CREBL2: variants seen among roughly 807,000 people sequenced by gnomAD.
CREBL2 encodes the protein cAMP-responsive element-binding protein-like 2.
A neutral mutation model predicts 19.5 loss-of-function variants in CREBL2; 4 were observed. That is an observed-to-expected ratio of 0.20 (90% CI 0.10 to 0.47). The LOEUF is 0.47. Among genes scored for constraint, CREBL2 ranks in the 20% least tolerant of loss-of-function variants. The pLI, the probability that CREBL2 is intolerant of heterozygous loss-of-function variation, is 0.98. For missense variants in CREBL2, 85 were observed against 145.1 expected (o/e 0.59, Z 2.13); for synonymous variants, 42 against 46.6 (o/e 0.90, Z 0.40).
rs1945535167 is a variant in CREBL2, at chr12:12,642,871, G to A, written c.*873G>A. ...ATTGTATGTCTATATATGTATGTGG[G>A]GAGGACAGGAGTGAATGTTCACACA... On this transcript the variant is annotated 3_prime_UTR_variant, in exon 4 of 4. Coordinates refer to ENST00000228865, the MANE Select transcript of CREBL2 (RefSeq NM_001310.4). 2 of 152,608 alleles carry A rather than the reference G, an allele frequency of 1.3e-5. No homozygotes were observed. Among genetic ancestry groups the A allele is most frequent in the African/African-American group, 4.8e-5 (2 of 41,426 alleles). 9.5% of individuals were successfully genotyped at this position (152,608 alleles called of 1,614,324 possible).
chr12:12,644,042 G>C lies in CREBL2; in HGVS notation c.*2044G>C, dbSNP rs1033881958. On this transcript the variant is annotated 3_prime_UTR_variant, in exon 4 of 4. Coordinates refer to ENST00000228865, the MANE Select transcript of CREBL2 (RefSeq NM_001310.4). ...TCAATGGAACGTCTTTATTGTGCTT[G>C]AAGTATTTCTTCTCTGGTTGTAATT... 6.6e-6 allele frequency: 1 copy of C among 152,592 alleles called. No homozygotes were observed. Among genetic ancestry groups the C allele is most frequent in the African/African-American group, 2.4e-5 (1 of 41,444 alleles). The allele number at this position is 152,592 out of a possible 1,614,324, so 9.5% of individuals were successfully genotyped here. A position where few individuals can be genotyped will look rare whatever the true frequency, so the allele number is the denominator to read the frequency against.
intron 1 of CREBL2, among the ~76,000 whole-genome samples, chr12:12,634,898 G>A (rs1410479709): frequency 6.6e-6 from 1 of 151,566 alleles, no homozygotes; most frequent in African/African-American, 2.4e-5. Flanking sequence ...TCTACAAAGC[G>A]ATTTTTTTTT....
intron 1 of CREBL2, among the ~76,000 whole-genome samples, chr12:12,627,039 GGAGAGGGAGGAA>G (rs1438910156): frequency 2.0e-5 from 3 of 152,238 alleles, no homozygotes; most frequent in East Asian, 3.9e-4. Flanking sequence ...CAGGGTTTCA[GGAGAGGGAGGAA>G]GAGAGGGAGG....
At chr12:12,613,559 A>G (rs763026268) in intron 1 of CREBL2, among the ~76,000 whole-genome samples, 3 of 152,146 alleles carry the variant, frequency 2.0e-5, no homozygotes, top group Non-Finnish European at 4.4e-5. Flanking sequence ...TGAGGAAGTG[A>G]CAGATGGAAG....
chr12:12,619,767 C>T (rs1015089180), intron 1 of CREBL2, among the ~76,000 whole-genome samples: 7 of 152,168 alleles, frequency 4.6e-5, no homozygotes, highest in African/African-American at 1.7e-4. Flanking sequence ...ATTGAAATAT[C>T]CTAAGGCGTC....
intron 1 of CREBL2, among the ~76,000 whole-genome samples, chr12:12,622,252 A>T (rs749726297): frequency 7.9e-5 from 12 of 152,214 alleles, no homozygotes; most frequent in Admixed American, 1.3e-4. Flanking sequence ...ATTGCACAGA[A>T]GAAAGGCCTG....
In CREBL2 at chr12:12,642,169, C is replaced by T. The variant is rs1682410116; in HGVS notation, c.*171C>T. The T allele has an allele frequency of 2.3e-6, 1 of 436,010 alleles. No individual in the cohort carries two copies. The highest frequency in any genetic ancestry group is 2.0e-5 in the African/African-American group (1 of 48,976). 27.0% of individuals were successfully genotyped at this position (436,010 alleles called of 1,614,324 possible). A position where few individuals can be genotyped will look rare whatever the true frequency, so the allele number is the denominator to read the frequency against. ...TGATCGTAGATCTCAAAGGATCTTG[C>T]TTTAACTTTCAACACTTAGAAAATC... On this transcript the variant is annotated 3_prime_UTR_variant, in exon 4 of 4. Coordinates refer to ENST00000228865, the MANE Select transcript of CREBL2 (RefSeq NM_001310.4).
Position 12,635,906 on chromosome 12 carries a change from C to T in CREBL2, c.145C>T (p.Gln49Ter). The change falls in exon 2 of 4, where the codon CAG (glutamine) becomes TAG (stop). Residue 49 changes from glutamine to a stop codon, truncating the protein, a stop_gained. Coordinates refer to ENST00000228865, the MANE Select transcript of CREBL2 (RefSeq NM_001310.4). LOFTEE classifies it high-confidence loss of function. ...ECRARKKLRYQYLEELVSSRE... is the reference protein window; with the variant it reads ...ECRARKKLRY Reference sequence around the variant, plus strand: ...CCGAGCCCGAAAAAAGCTGAGATATCAGTATTTGGAAGAGTTGGTATCCAG... The same window carrying T: ...CCGAGCCCGAAAAAAGCTGAGATATTAGTATTTGGAAGAGTTGGTATCCAG... The T allele has an allele frequency of 6.2e-7, 1 of 1,614,088 alleles. No homozygotes were observed. The highest frequency in any genetic ancestry group is 8.5e-7 in the Non-Finnish European group (1 of 1,180,028).
At chr12:12,641,247 A>ATTTTTTTTTTTTTTTT (rs1380373401) in intron 3 of CREBL2, among the ~76,000 whole-genome samples, 7 of 22,068 alleles carry the variant, frequency 3.2e-4, no homozygotes, top group East Asian at 3.2e-3. Flanking sequence ...TATTATTATT[A>ATTTTTTTTTTTTTTTT]TTATTATTTT....
At chr12:12,636,097 T>A in intron 2 of CREBL2, 123 bp downstream of exon 2, 1 of 961,992 alleles carries the variant, frequency 1.0e-6, no homozygotes, top group Non-Finnish European at 1.5e-6. Context: ...AATATTAATC[T>A]GTTAGCCAGG....
intron 1 of CREBL2, among the ~76,000 whole-genome samples, chr12:12,614,100 TCTC>T (rs1306032423): frequency 6.6e-6 from 1 of 151,042 alleles, no homozygotes; most frequent in African/African-American, 2.4e-5. Context: ...TTCAAGCAAT[TCTC>T]CTGCCTCAGC....
intron 2 of CREBL2, 43 bp downstream of exon 2, chr12:12,636,017 G>A (rs753060556): frequency 3.3e-6 from 5 of 1,536,928 alleles, no homozygotes; most frequent in Non-Finnish European, 4.4e-6. Context: ...CACCTTAACA[G>A]TCAAATAAAT....
In CREBL2 at chr12:12,635,972, A is replaced by G. The variant is rs1303525563; in HGVS notation, c.211A>G (p.Met71Val). ...AICALREELEMYKQWCMAMDQ... is the reference protein window; with the variant it reads ...AICALREELEVYKQWCMAMDQ... ...ATGTGCCCTCAGAGAGGAACTGGAA[A>G]TGGTAAGAAATCGTCAGTAAACACA... Residue 71 changes from methionine (M) to valine (V), a missense_variant and splice_region_variant, in exon 2 of 4, where the codon ATG (methionine) becomes GTG (valine). Physicochemically the swap from Met to Val is conservative, Grantham distance 21. Transcript: ENST00000228865. The G allele has an allele frequency of 6.2e-7, 1 of 1,612,050 alleles. No individual in the cohort carries two copies. Among genetic ancestry groups the G allele is most frequent in the Non-Finnish European group, 8.5e-7 (1 of 1,179,150 alleles).
chr12:12,620,514 G>A (rs1945351395), intron 1 of CREBL2, among the ~76,000 whole-genome samples: 1 of 152,202 alleles, frequency 6.6e-6, no homozygotes, highest in Admixed American at 6.5e-5. Flanking sequence ...ACGGACATGA[G>A]CCACCATGCC....
At position 12,634,415 on chromosome 12, in the gene CREBL2, A is replaced by G. The variant is rs781539084; in HGVS notation, c.16-1362A>G. ...GTTGCTTTATGACATCAGTGGGAGC[A>G]GGGAGAAATCTACTGAGACAGTTGA... On this transcript the variant is annotated intron_variant, in intron 1 of 3. Transcript: ENST00000228865. Among the ~76,000 whole-genome samples the G allele has an allele frequency of 2.9e-4, 44 of 152,234 alleles. 1 individual carries two copies. Among genetic ancestry groups the G allele is most frequent in the Admixed American group, 5.2e-4 (8 of 15,276 alleles).
chr12:12,627,164 T>G (rs1252782956), intron 1 of CREBL2, among the ~76,000 whole-genome samples: 1 of 152,180 alleles, frequency 6.6e-6, no homozygotes, highest in Non-Finnish European at 1.5e-5. Context: ...AACTCTAATG[T>G]AAACTGTGGA....
rs1037609802 is a variant in CREBL2, at chr12:12,611,941, C to G, written c.-232C>G. 2 of 573,174 alleles carry G rather than the reference C, an allele frequency of 3.5e-6. No individual in the cohort carries two copies. The highest frequency in any genetic ancestry group is 3.8e-5 in the African/African-American group (2 of 52,576). 35.5% of individuals were successfully genotyped at this position (573,174 alleles called of 1,614,324 possible). ...ACTGTCATGGAGGGGGAGGAGGAGG[C>G]GGCGGCGGCGAAGGGAGGCGTTTGG... is the stretch of plus-strand genomic sequence containing the variant. On this transcript the variant is annotated 5_prime_UTR_variant, in exon 1 of 4. Coordinates refer to ENST00000228865, the MANE Select transcript of CREBL2 (RefSeq NM_001310.4).
chr12:12,618,940 G>A (rs1945338210), intron 1 of CREBL2, among the ~76,000 whole-genome samples: 1 of 152,184 alleles, frequency 6.6e-6, no homozygotes, highest in Non-Finnish European at 1.5e-5. Context: ...TCGGCAGGTT[G>A]AGGCAGGAGA....
intron 1 of CREBL2, among the ~76,000 whole-genome samples, chr12:12,617,225 T>G (rs1002931794): frequency 6.6e-6 from 1 of 152,202 alleles, no homozygotes; most frequent in African/African-American, 2.4e-5. Flanking sequence ...ATTGCCCTGA[T>G]GTACTCGGGC....
Sources: gnomAD v4.1 joint callset for allele counts (sites outside exome capture counted in the v4.1 genomes callset) on GRCh38, gnomAD v4.1.1 for gene constraint, MANE v1.5 for transcripts, NCBI Gene and HGNC (gene_info 2026-07-23, HGNC 2026-07-21) for gene names.